The following ANKS1B variants were observed in gnomAD, a reference collection of about 807,000 sequenced individuals.
ANKS1B encodes the protein ankyrin repeat and sterile alpha motif domain-containing protein 1B.
A neutral mutation model predicts 148.3 loss-of-function variants in ANKS1B; 36 were observed. That is an observed-to-expected ratio of 0.24 (90% CI 0.19 to 0.32). The LOEUF is 0.32. Among genes scored for constraint, ANKS1B ranks in the 10% least tolerant of loss-of-function variants. The pLI is 1.00. For missense variants in ANKS1B, 1,157 were observed against 1,542.6 expected, an observed-to-expected ratio of 0.75 and a Z score of 4.19; for synonymous variants, 542 against 560.8, an observed-to-expected ratio of 0.97 and a Z score of 0.47.
intron 19 of ANKS1B, among the ~76,000 whole-genome samples, chr12:98,818,778 C>T (rs1301757734): frequency 6.6e-6 from 1 of 152,064 alleles, no homozygotes; most frequent in African/African-American, 2.4e-5. Context: ...TTGTCATTTC[C>T]TTTACTTAAA....
At chr12:98,837,260 C>A (rs1034718453) in intron 17 of ANKS1B, among the ~76,000 whole-genome samples, 3 of 151,644 alleles carry the variant, frequency 2.0e-5, no homozygotes, top group African/African-American at 7.3e-5. Context: ...TCACTTGAAC[C>A]CGGGAGGTGG....
At chr12:99,569,622 G>A (rs551023396) in intron 9 of ANKS1B, among the ~76,000 whole-genome samples, 89 of 152,276 alleles carry the variant, frequency 5.8e-4, no homozygotes, top group South Asian at 1.7e-3. Flanking sequence ...TTCTCCAAGC[G>A]GCTGGAAGAG....
chr12:99,065,610 CCATCCAT>C (rs2153571707), intron 16 of ANKS1B, among the ~76,000 whole-genome samples: 1 of 129,000 alleles, frequency 7.8e-6, no homozygotes, highest in African/African-American at 2.9e-5. Context: ...ATCCATCCAT[CCATCCAT>C]CCATCCATCC....
At chr12:99,713,877 G>A (rs1163692687) in intron 8 of ANKS1B, among the ~76,000 whole-genome samples, 1 of 151,978 alleles carries the variant, frequency 6.6e-6, no homozygotes, top group Non-Finnish European at 1.5e-5. Flanking sequence ...CACATTTTTA[G>A]GTATTTGTTA....
At chr12:99,806,778 C>A in intron 3 of ANKS1B, 78 bp from the exon 4 acceptor site, 3 of 1,292,766 alleles carry the variant, frequency 2.3e-6, no homozygotes, top group South Asian at 1.4e-5. Flanking sequence ...TAATTTAAAA[C>A]CTGCAATGCT....
intron 10 of ANKS1B, among the ~76,000 whole-genome samples, chr12:99,469,784 T>A (rs943771421): frequency 6.6e-6 from 1 of 152,100 alleles, no homozygotes; most frequent in African/African-American, 2.4e-5. Flanking sequence ...TTTGTTGTAT[T>A]TCAGATTCTA....
At chr12:98,775,083 G>C (rs2098656320) in intron 24 of ANKS1B, among the ~76,000 whole-genome samples, 1 of 152,196 alleles carries the variant, frequency 6.6e-6, no homozygotes, top group Admixed American at 6.5e-5. Context: ...CCATTATCTT[G>C]ATTGGGGGCA....
At chr12:99,691,012 A>G (rs2098676373) in intron 8 of ANKS1B, among the ~76,000 whole-genome samples, 1 of 152,194 alleles carries the variant, frequency 6.6e-6, no homozygotes, top group African/African-American at 2.4e-5. Flanking sequence ...TCAAACCTCA[A>G]TTCTTGACTT....
At chr12:99,778,671 G>A (rs1051305415) in intron 6 of ANKS1B, among the ~76,000 whole-genome samples, 1 of 151,990 alleles carries the variant, frequency 6.6e-6, no homozygotes, top group African/African-American at 2.4e-5. Flanking sequence ...GCTATGATGG[G>A]ATTTTTCTCT....
chr12:98,908,692 A>G (rs1272598936), intron 17 of ANKS1B, among the ~76,000 whole-genome samples: 3 of 152,180 alleles, frequency 2.0e-5, no homozygotes, highest in Non-Finnish European at 4.4e-5. Flanking sequence ...AAATAACCCA[A>G]TAAGCTTGCT....
intron 22 of ANKS1B, among the ~76,000 whole-genome samples, chr12:98,797,983 T>C (rs2098965207): frequency 6.6e-6 from 1 of 152,328 alleles, no homozygotes; most frequent in African/African-American, 2.4e-5. Context: ...ATAGCCTCTA[T>C]ACACCTGTTA....
chr12:99,085,163 G>T (rs538441731), intron 15 of ANKS1B, 140 bp from the exon 16 acceptor site: 1 of 701,522 alleles, frequency 1.4e-6, no homozygotes, highest in African/African-American at 1.8e-5. Flanking sequence ...TTCCGTGAGG[G>T]TGAGGGCAGA....
At chr12:99,022,999 T>C (rs1385777963) in intron 17 of ANKS1B, among the ~76,000 whole-genome samples, 1 of 152,218 alleles carries the variant, frequency 6.6e-6, no homozygotes, top group Admixed American at 6.5e-5. Flanking sequence ...TTTTGGCCTT[T>C]AATCTGTTAA....
chr12:99,350,913 A>G (rs1195136208), intron 12 of ANKS1B, among the ~76,000 whole-genome samples: 1 of 152,068 alleles, frequency 6.6e-6, no homozygotes, highest in African/African-American at 2.4e-5. Context: ...CTTAATAGCA[A>G]TCACTCCAAA....
intron 12 of ANKS1B, among the ~76,000 whole-genome samples, chr12:99,285,236 G>T (rs1350480054): frequency 2.0e-5 from 3 of 151,988 alleles, no homozygotes; most frequent in Non-Finnish European, 4.4e-5. Flanking sequence ...TTTTTGTCTA[G>T]CTGCCTTTAC....
intron 10 of ANKS1B, among the ~76,000 whole-genome samples, chr12:99,488,021 T>C (rs998164229): frequency 5.9e-5 from 9 of 152,260 alleles, no homozygotes; most frequent in African/African-American, 2.2e-4. Context: ...GTAAAAAAAA[T>C]TACGGCTATG....
At chr12:99,502,087 T>G (rs955899298) in intron 10 of ANKS1B, among the ~76,000 whole-genome samples, 1 of 152,120 alleles carries the variant, frequency 6.6e-6, no homozygotes, top group Non-Finnish European at 1.5e-5. Context: ...ACTCAATTAG[T>G]TTTTGACTAC....
chr12:98,870,733 C>A (rs1162305175), intron 17 of ANKS1B, among the ~76,000 whole-genome samples: 3 of 152,354 alleles, frequency 2.0e-5, no homozygotes, highest in Admixed American at 2.0e-4. Context: ...CAGCACACAG[C>A]CTCGTTATCC....
intron 17 of ANKS1B, among the ~76,000 whole-genome samples, chr12:98,860,068 C>T (rs1486143245): frequency 2.6e-5 from 4 of 152,350 alleles, no homozygotes; most frequent in East Asian, 1.9e-4. Context: ...AGGCTACTCA[C>T]GTTTTCTCTC....
Sources: gnomAD v4.1 joint callset for allele counts (sites outside exome capture counted in the v4.1 genomes callset) on GRCh38, gnomAD v4.1.1 for gene constraint, MANE v1.5 for transcripts, NCBI Gene and HGNC (gene_info 2026-07-23, HGNC 2026-07-21) for gene names.